The following LRBA variants were observed in gnomAD, a reference collection of about 807,000 sequenced individuals.
LRBA encodes the protein lipopolysaccharide-responsive and beige-like anchor protein.
LRBA carries 176 observed loss-of-function variants against 330.0 expected under a neutral mutation model. That is an observed-to-expected ratio of 0.53 (90% CI 0.47 to 0.60). The LOEUF (loss-of-function observed/expected upper bound fraction) is 0.60. Among genes scored for constraint, LRBA ranks in the 20% least tolerant of loss-of-function variants. The pLI is 0.00. For missense variants in LRBA, 3,259 were observed against 3,444.8 expected (o/e 0.95, Z 1.35); for synonymous variants, 1,230 against 1,193.0 (o/e 1.03, Z -0.64).
chr4:150,871,790 CT>C (rs1284885291), intron 18 of LRBA, among the ~76,000 whole-genome samples: 1 of 152,076 alleles, frequency 6.6e-6, no homozygotes, highest in Non-Finnish European at 1.5e-5. Context: ...TTAGTCTCCC[CT>C]GGGGATGATC....
intron 54 of LRBA, among the ~76,000 whole-genome samples, chr4:150,283,173 G>T (rs1418882973): frequency 6.6e-6 from 1 of 152,106 alleles, no homozygotes. Flanking sequence ...ACACTGAAAG[G>T]GGGTCCCTGG....
chr4:150,922,326 T>C (rs573484782), intron 4 of LRBA, among the ~76,000 whole-genome samples: 2 of 151,058 alleles, frequency 1.3e-5, no homozygotes, highest in Admixed American at 6.6e-5. Context: ...AGCAGCACAA[T>C]TCACAATTGC....
chr4:150,905,814 T>C (rs747301632), intron 13 of LRBA, 24 bp downstream of exon 13: 33 of 1,552,330 alleles, frequency 2.1e-5, no homozygotes, highest in Non-Finnish European at 2.9e-5. Context: ...AGTAAAACAA[T>C]ATCAATATAT....
At chr4:150,960,359 C>A (rs1320866331) in intron 2 of LRBA, among the ~76,000 whole-genome samples, 2 of 148,722 alleles carry the variant, frequency 1.3e-5, no homozygotes, top group African/African-American at 5.2e-5. Context: ...GACACAAGAA[C>A]ATGTTAAACT....
Position 150,823,072 on chromosome 4 carries a change from C to T in LRBA, c.5171+5108G>A, listed in dbSNP as rs188540451. On this transcript the variant is annotated intron_variant, in intron 30 of 56. Coordinates refer to ENST00000651943, the MANE Select transcript of LRBA (RefSeq NM_001364905.1). ...TATGAAGGTTCCCTTATCTCCACAT[C>T]CTTGCCAACATTTGTTACTGCTTAT... Among the ~76,000 whole-genome samples the T allele has an allele frequency of 3.3e-5, 5 of 152,286 alleles. No homozygotes were observed. The East Asian group carries it at 9.7e-4, about 29-fold the overall frequency.
intron 36 of LRBA, among the ~76,000 whole-genome samples, chr4:150,712,548 A>G (rs927718738): frequency 2.6e-5 from 4 of 152,204 alleles, no homozygotes; most frequent in African/African-American, 9.7e-5. Context: ...TTTTTTCTCC[A>G]GAAGTAATAT....
At chr4:150,986,411 TGTACATAGACCTGAG>T (rs996332799) in intron 2 of LRBA, among the ~76,000 whole-genome samples, 6 of 152,302 alleles carry the variant, frequency 3.9e-5, no homozygotes, top group Admixed American at 6.5e-5. Context: ...TATGAGAATA[TGTACATAGACCTGAG>T]GTACATAGAC....
intron 37 of LRBA, among the ~76,000 whole-genome samples, chr4:150,615,724 G>T (rs1052354817): frequency 2.0e-5 from 3 of 152,080 alleles, no homozygotes; most frequent in African/African-American, 7.2e-5. Context: ...CTAACTATTT[G>T]CCAAATCCCT....
intron 40 of LRBA, among the ~76,000 whole-genome samples, chr4:150,585,079 C>A (rs1325325929): frequency 2.0e-5 from 3 of 152,102 alleles, no homozygotes; most frequent in African/African-American, 7.2e-5. Flanking sequence ...CAATCTGAAT[C>A]CGATATACAA....
At chr4:150,807,509 T>A (rs1289196706) in intron 32 of LRBA, among the ~76,000 whole-genome samples, 1 of 152,154 alleles carries the variant, frequency 6.6e-6, no homozygotes, top group African/African-American at 2.4e-5. Flanking sequence ...GAAAATACAC[T>A]CAAAGCATTC....
At chr4:150,593,682 C>A (rs1273458383) in intron 38 of LRBA, among the ~76,000 whole-genome samples, 1 of 152,026 alleles carries the variant, frequency 6.6e-6, no homozygotes, top group Non-Finnish European at 1.5e-5. Flanking sequence ...ATTTCCAAAT[C>A]TAAAATTGAT....
intron 2 of LRBA, among the ~76,000 whole-genome samples, chr4:150,942,265 A>G (rs1049186725): frequency 2.0e-5 from 3 of 152,202 alleles, no homozygotes; most frequent in South Asian, 2.1e-4. Flanking sequence ...CCCTTCTCTA[A>G]GATCATAATT....
At chr4:150,552,585 G>A (rs1022542055) in intron 40 of LRBA, among the ~76,000 whole-genome samples, 5 of 152,138 alleles carry the variant, frequency 3.3e-5, no homozygotes, top group African/African-American at 1.2e-4. Context: ...GGAAGACAGG[G>A]TGGTGATTCC....
At chr4:150,552,940 G>A (rs1054723601) in intron 40 of LRBA, among the ~76,000 whole-genome samples, 7 of 151,718 alleles carry the variant, frequency 4.6e-5, no homozygotes, top group African/African-American at 1.7e-4. Flanking sequence ...ATGGTGGCAG[G>A]CGCCTGTAGT....
At chr4:150,478,464 C>A (rs978940699) in intron 42 of LRBA, among the ~76,000 whole-genome samples, 1 of 152,132 alleles carries the variant, frequency 6.6e-6, no homozygotes, top group Non-Finnish European at 1.5e-5. Flanking sequence ...TATTGAATAT[C>A]TCCCCTTGTC....
chr4:150,364,377 GTT>G (rs1158794129), intron 47 of LRBA, among the ~76,000 whole-genome samples: 1 of 152,170 alleles, frequency 6.6e-6, no homozygotes, highest in African/African-American at 2.4e-5. Context: ...TTTAAAAACT[GTT>G]TTACAAATGA....
intron 40 of LRBA, among the ~76,000 whole-genome samples, chr4:150,530,380 A>G (rs1200869025): frequency 6.6e-6 from 1 of 152,196 alleles, no homozygotes; most frequent in Admixed American, 6.5e-5. Context: ...CATAGTAGAC[A>G]TTGTTAGGGC....
rs1266288680 is a variant in LRBA, at chr4:151,005,613, T to C, written c.216+8814A>G. Among the ~76,000 whole-genome samples, 3 of 135,382 alleles carry C rather than the reference T, an allele frequency of 2.2e-5. 1 individual carries two copies. The highest frequency in any genetic ancestry group is 8.8e-5 in the African/African-American group (3 of 33,908). The allele number at this position is 135,382 out of a possible 152,430, so 88.8% of individuals were successfully genotyped here. A position where few individuals can be genotyped will look rare whatever the true frequency, so the allele number is the denominator to read the frequency against. On this transcript the variant is annotated intron_variant, in intron 2 of 56. Coordinates refer to ENST00000651943, the MANE Select transcript of LRBA (RefSeq NM_001364905.1). ...CTCTGTTACCCAGGCTTTTTTTTTT[T>C]TTTTTTTTGGAGACGTAATCTCATT...
chr4:150,331,378 C>T lies in LRBA; in HGVS notation c.7363-5480G>A, dbSNP rs192544029. Among the ~76,000 whole-genome samples the T allele has an allele frequency of 7.3e-4, 111 of 152,304 alleles. 3 individuals carry two copies. The Middle Eastern group carries it at 0.01, about 14-fold the overall frequency. On this transcript the variant is annotated intron_variant, in intron 48 of 56. Transcript: ENST00000651943. ...GACATTACCAAATGCCTCAACTGCT[C>T]TTAATGAACTCTCCTTCACCTAGAG... is the stretch of plus-strand genomic sequence containing the variant.
Sources: allele counts gnomAD v4.1 joint callset (sites outside exome capture counted in the v4.1 genomes callset), GRCh38; gene constraint gnomAD v4.1.1; transcripts MANE v1.5; gene names NCBI Gene and HGNC (gene_info 2026-07-23, HGNC 2026-07-21).